SLC24A2: variants seen among roughly 807,000 people sequenced by gnomAD.
SLC24A2 encodes the protein solute carrier family 24 member 2, also known as sodium/potassium/calcium exchanger 2.
In SLC24A2, 36 loss-of-function variants were observed where a neutral mutation model predicts 62.0. The observed-to-expected ratio is 0.58, with a 90% CI of 0.44 to 0.77. The LOEUF (loss-of-function observed/expected upper bound fraction) is 0.77. Among genes scored for constraint, SLC24A2 ranks in the 30% least tolerant of loss-of-function variants. The pLI is 0.00. For missense variants in SLC24A2, 846 were observed against 817.9 expected (o/e 1.03, Z -0.42); for synonymous variants, 358 against 294.0 (o/e 1.22, Z -2.23).
chr9:19,554,482 G>A (rs1381648960), intron 7 of SLC24A2, among the ~76,000 whole-genome samples: 3 of 152,128 alleles, frequency 2.0e-5, no homozygotes, highest in Non-Finnish European at 4.4e-5. Context: ...GTAACCTTGG[G>A]GATCTTGGAA....
At chr9:20,196,415 G>C in the SLC24A2 span, among the ~76,000 whole-genome samples, 2 of 152,150 alleles carry the variant, frequency 1.3e-5, no homozygotes, top group African/African-American at 4.8e-5. Context: ...CACATAGGCT[G>C]GATATTTTGC....
At chr9:19,974,495 A>G in the SLC24A2 span, among the ~76,000 whole-genome samples, 1 of 152,104 alleles carries the variant, frequency 6.6e-6, no homozygotes, top group Non-Finnish European at 1.5e-5. Context: ...GCCTTTAACC[A>G]TTTCAATATT....
the SLC24A2 span, among the ~76,000 whole-genome samples, chr9:20,060,596 C>A: frequency 1.3e-5 from 2 of 152,050 alleles, no homozygotes; most frequent in African/African-American, 4.8e-5. Context: ...AAACCCAACA[C>A]TGATTCATGA....
chr9:19,720,252 C>CCT (rs1384872714), intron 2 of SLC24A2, among the ~76,000 whole-genome samples: 1 of 152,116 alleles, frequency 6.6e-6, no homozygotes, highest in East Asian at 1.9e-4. Flanking sequence ...TCAACGTGTA[C>CCT]CTCCACTATC....
At chr9:19,568,490 A>G (rs1563972607) in intron 7 of SLC24A2, among the ~76,000 whole-genome samples, 1 of 152,248 alleles carries the variant, frequency 6.6e-6, no homozygotes, top group Non-Finnish European at 1.5e-5. Flanking sequence ...TAATAATAGC[A>G]TACACCTAAG....
chr9:19,751,590 A>G (rs1182673), intron 2 of SLC24A2, among the ~76,000 whole-genome samples: 1 of 151,852 alleles, frequency 6.6e-6, no homozygotes, highest in Non-Finnish European at 1.5e-5. Context: ...GGGAGAAAGG[A>G]GAGAAACCAA....
intron 2 of SLC24A2, among the ~76,000 whole-genome samples, chr9:19,690,086 T>C (rs113682101): frequency 1.3e-5 from 2 of 152,158 alleles, no homozygotes; most frequent in African/African-American, 4.8e-5. Context: ...TGCCAGATCA[T>C]GTGATTTCTC....
chr9:20,305,209 G>C, the SLC24A2 span, among the ~76,000 whole-genome samples: 2 of 151,074 alleles, frequency 1.3e-5, no homozygotes, highest in Non-Finnish European at 2.9e-5. Context: ...GCAGGTTCAA[G>C]TGATTCTCCT....
the SLC24A2 span, among the ~76,000 whole-genome samples, chr9:20,136,995 C>G: frequency 6.6e-6 from 1 of 152,116 alleles, no homozygotes; most frequent in African/African-American, 2.4e-5. Context: ...AGAGATAATG[C>G]TCTCTGATGT....
At chr9:19,770,549 A>T (rs887789862) in intron 2 of SLC24A2, among the ~76,000 whole-genome samples, 9 of 152,308 alleles carry the variant, frequency 5.9e-5, no homozygotes, top group Middle Eastern at 3.4e-3. Flanking sequence ...ATAGTGATCC[A>T]TTCCTATTAC....
intron 5 of SLC24A2, among the ~76,000 whole-genome samples, chr9:19,587,180 T>C (rs1836399073): frequency 2.0e-5 from 3 of 152,186 alleles, no homozygotes; most frequent in Non-Finnish European, 1.5e-5. Flanking sequence ...TGGAAAATAG[T>C]AGGTGCTCAA....
Position 19,559,093 on chromosome 9 carries a change from C to A in SLC24A2, c.1348-8825G>T, listed in dbSNP as rs754932872. Among the ~76,000 whole-genome samples, 24 of 152,242 alleles carry A rather than the reference C, an allele frequency of 1.6e-4. 1 individual carries two copies. The highest frequency in any genetic ancestry group is 2.9e-4 in the Non-Finnish European group (20 of 68,016). On this transcript the variant is annotated intron_variant, in intron 7 of 10. Transcript: ENST00000341998. ...CTAGGATAATCCAGGAAGGCACTTA[C>A]AAGAGTATTTGGCACATAGTGAACA...
chr9:20,172,879 G>A, the SLC24A2 span, among the ~76,000 whole-genome samples: 2 of 151,264 alleles, frequency 1.3e-5, no homozygotes, highest in East Asian at 3.9e-4. Context: ...ACCAAAACCA[G>A]GAAAGACATA....
chr9:19,909,107 A>G, the SLC24A2 span, among the ~76,000 whole-genome samples: 2 of 152,226 alleles, frequency 1.3e-5, no homozygotes, highest in African/African-American at 4.8e-5. Context: ...GATAGACTGG[A>G]TTAAGAAAAT....
At chr9:20,031,229 C>CTG in the SLC24A2 span, among the ~76,000 whole-genome samples, 12 of 149,302 alleles carry the variant, frequency 8.0e-5, no homozygotes, top group African/African-American at 2.7e-4. Context: ...CACACACACC[C>CTG]TGTGTGTGTG....
chr9:20,224,682 G>A, the SLC24A2 span, among the ~76,000 whole-genome samples: 1 of 151,846 alleles, frequency 6.6e-6, no homozygotes, highest in Non-Finnish European at 1.5e-5. Flanking sequence ...GGGAGGAAAA[G>A]GCAGAGAAGA....
chr9:20,210,464 G>A, the SLC24A2 span, among the ~76,000 whole-genome samples: 39 of 152,004 alleles, frequency 2.6e-4, no homozygotes, highest in Middle Eastern at 3.4e-3. Flanking sequence ...TCATGCAGAA[G>A]GCAGAAGGTT....
intron 7 of SLC24A2, among the ~76,000 whole-genome samples, chr9:19,558,951 G>C (rs1011878076): frequency 8.5e-5 from 13 of 152,312 alleles, no homozygotes; most frequent in African/African-American, 2.9e-4. Flanking sequence ...GGGATGGTTG[G>C]AGAAGGGATC....
At chr9:20,023,489 C>T in the SLC24A2 span, among the ~76,000 whole-genome samples, 6 of 152,200 alleles carry the variant, frequency 3.9e-5, no homozygotes, top group African/African-American at 9.7e-5. Context: ...AGCTGTCACT[C>T]ATTGGTGACC....
Sources: gnomAD v4.1 joint callset for allele counts (sites outside exome capture counted in the v4.1 genomes callset) on GRCh38, gnomAD v4.1.1 for gene constraint, MANE v1.5 for transcripts, NCBI Gene and HGNC (gene_info 2026-07-23, HGNC 2026-07-21) for gene names.